CSMD1: variants seen among roughly 807,000 people sequenced by gnomAD.
CSMD1 encodes the protein CUB and Sushi multiple domains 1.
A neutral mutation model predicts 417.5 loss-of-function variants in CSMD1; 213 were observed. That is an observed-to-expected ratio of 0.51 (90% CI 0.46 to 0.57). The LOEUF is 0.57. Ranked by LOEUF, CSMD1 falls within the 20% of genes least tolerant of loss-of-function variation. The pLI is 0.00. For synonymous variants in CSMD1, 2,862 were observed against 1,736.8 expected, an observed-to-expected ratio of 1.65 and a Z score of -16.11; for missense variants, 6,923 against 4,529.7, an observed-to-expected ratio of 1.53 and a Z score of -15.17.
At chr8:4,117,767 A>T (rs9314515) in intron 3 of CSMD1, among the ~76,000 whole-genome samples, 150,566 of 152,198 alleles carry the variant, frequency 0.99, 74,502 homozygotes, top group East Asian at 1. Flanking sequence ...TCAGAAACAC[A>T]CCAGGCCCAT....
intron 46 of CSMD1, among the ~76,000 whole-genome samples, chr8:3,105,993 G>C (rs997174267): frequency 7.9e-5 from 12 of 152,148 alleles, no homozygotes; most frequent in African/African-American, 2.9e-4. Flanking sequence ...TTTCTTATTT[G>C]ATATGGCCTT....
intron 5 of CSMD1, among the ~76,000 whole-genome samples, chr8:3,900,519 C>T (rs1183759951): frequency 2.0e-5 from 3 of 151,826 alleles, no homozygotes; most frequent in Non-Finnish European, 4.4e-5. Context: ...AGCTGGATGA[C>T]ACTACAGCTG....
At chr8:3,382,562 TC>T in intron 18 of CSMD1, among the ~76,000 whole-genome samples, 1 of 38,696 alleles carries the variant, frequency 2.6e-5, no homozygotes, top group Admixed American at 2.6e-4. Context: ...TATGTCTTTC[TC>T]TATATATATC....
At chr8:4,579,979 T>C in intron 2 of CSMD1, among the ~76,000 whole-genome samples, 1 of 152,228 alleles carries the variant, frequency 6.6e-6, no homozygotes, top group Non-Finnish European at 1.5e-5. Context: ...ACTTGCTTTT[T>C]ATTTTCTTAA....
At chr8:3,826,920 G>A (rs998154063) in intron 5 of CSMD1, among the ~76,000 whole-genome samples, 60 of 152,172 alleles carry the variant, frequency 3.9e-4, no homozygotes, top group African/African-American at 1.4e-3. Context: ...TTGAGTAGCT[G>A]AAACTACAGG....
intron 1 of CSMD1, among the ~76,000 whole-genome samples, chr8:4,773,695 G>T (rs913833320): frequency 6.6e-6 from 1 of 152,060 alleles, no homozygotes; most frequent in East Asian, 1.9e-4. Flanking sequence ...TGCACGCCAC[G>T]CTAGTGTATA....
intron 1 of CSMD1, among the ~76,000 whole-genome samples, chr8:4,637,887 G>C (rs1346614113): frequency 2.7e-5 from 4 of 150,938 alleles, no homozygotes; most frequent in African/African-American, 4.9e-5. Context: ...AGCCAGGATG[G>C]TCTCGATCTC....
At chr8:4,618,732 T>C (rs1280351918) in intron 2 of CSMD1, among the ~76,000 whole-genome samples, 3 of 152,158 alleles carry the variant, frequency 2.0e-5, no homozygotes, top group African/African-American at 7.2e-5. Flanking sequence ...CTGGTTGTTT[T>C]CAACACTGAG....
At chr8:3,691,835 G>T (rs113291996) in intron 7 of CSMD1, among the ~76,000 whole-genome samples, 1 of 152,158 alleles carries the variant, frequency 6.6e-6, no homozygotes, top group African/African-American at 2.4e-5. Context: ...TATGATGAAA[G>T]AGAGTCTGTA....
At chr8:3,351,275 T>A (rs796773827) in intron 21 of CSMD1, among the ~76,000 whole-genome samples, 17 of 152,206 alleles carry the variant, frequency 1.1e-4, no homozygotes, top group African/African-American at 4.1e-4. Flanking sequence ...AAGATAGTCT[T>A]TCACATGGCA....
intron 3 of CSMD1, among the ~76,000 whole-genome samples, chr8:4,289,039 T>A (rs945293699): frequency 7.2e-5 from 11 of 152,166 alleles, no homozygotes; most frequent in Non-Finnish European, 1.5e-4. Flanking sequence ...ATGACTGTCA[T>A]AATGAGCATA....
At chr8:4,146,797 G>C (rs914940067) in intron 3 of CSMD1, among the ~76,000 whole-genome samples, 1 of 149,302 alleles carries the variant, frequency 6.7e-6, no homozygotes, top group African/African-American at 2.5e-5. Context: ...ATTTTTAGTA[G>C]AGACGAGTTT....
At chr8:3,736,769 G>A (rs1158724503) in intron 6 of CSMD1, among the ~76,000 whole-genome samples, 2 of 152,190 alleles carry the variant, frequency 1.3e-5, no homozygotes, top group Non-Finnish European at 2.9e-5. Context: ...GTGTCGTTTT[G>A]CCTCAGATCC....
rs151067326 is a variant in CSMD1, at chr8:3,429,185, T to A, written c.1562-19580A>T. Among the ~76,000 whole-genome samples the A allele has an allele frequency of 1.3e-3, 204 of 152,214 alleles. 1 individual carries two copies. Among genetic ancestry groups the A allele is most frequent in the African/African-American group, 4.7e-3 (194 of 41,558 alleles). ...TTCAAAATAGCTAGAAGAGAGGATT[T>A]TCAATGTTTTTACCGTAAAGAAACG... On this transcript the variant is annotated intron_variant, in intron 12 of 69. Transcript: ENST00000635120.
intron 26 of CSMD1, among the ~76,000 whole-genome samples, chr8:3,259,517 T>G (rs954071268): frequency 2.6e-5 from 4 of 152,240 alleles, no homozygotes; most frequent in African/African-American, 9.6e-5. Context: ...AGCTTTTCTT[T>G]GTCTGTAAGG....
intron 7 of CSMD1, among the ~76,000 whole-genome samples, chr8:3,656,209 G>A (rs768041084): frequency 1.3e-5 from 2 of 152,262 alleles, no homozygotes; most frequent in East Asian, 1.9e-4. Flanking sequence ...TTCAGAAGCC[G>A]CTGTTAGACA....
chr8:4,712,667 T>G (rs1183012046), intron 1 of CSMD1, among the ~76,000 whole-genome samples: 1 of 152,234 alleles, frequency 6.6e-6, no homozygotes, highest in African/African-American at 2.4e-5. Flanking sequence ...GGGCAACTAG[T>G]AAACATTTCA....
At chr8:3,872,438 C>G (rs1805538824) in intron 5 of CSMD1, among the ~76,000 whole-genome samples, 1 of 152,132 alleles carries the variant, frequency 6.6e-6, no homozygotes, top group Non-Finnish European at 1.5e-5. Flanking sequence ...AACGCATTAT[C>G]CGAAGCCCAC....
intron 67 of CSMD1, 87 bp downstream of exon 67, chr8:2,950,144 G>T (rs1246534643): frequency 2.3e-6 from 2 of 866,476 alleles, no homozygotes; most frequent in East Asian, 2.4e-5. Flanking sequence ...GCTCTACTCA[G>T]AAGCCTCCAA....
Sources: allele counts gnomAD v4.1 joint callset (sites outside exome capture counted in the v4.1 genomes callset), GRCh38; gene constraint gnomAD v4.1.1; transcripts MANE v1.5; gene names NCBI Gene and HGNC (gene_info 2026-07-23, HGNC 2026-07-21).